Variants in CASP10 observed in about 807,000 individuals in gnomAD.
The protein encoded by CASP10 is caspase-10.
In CASP10, 41 loss-of-function variants were observed where a neutral mutation model predicts 48.5. The ratio of observed to expected loss-of-function variants is 0.85; its 90% CI spans 0.66 to 1.10. CASP10 has a LOEUF of 1.10. Ranked by LOEUF, CASP10 falls within the 50% of genes least tolerant of loss-of-function variation. CASP10 has a pLI of 0.00. For synonymous variants in CASP10, 232 were observed against 238.4 expected, an observed-to-expected ratio of 0.97 and a Z score of 0.25; for missense variants, 614 against 614.5, an observed-to-expected ratio of 1.00 and a Z score of 0.01.
Position 201,186,078 on chromosome 2 carries a change from G to A in CASP10, c.301G>A (p.Glu101Lys). The A allele has an allele frequency of 6.2e-7, 1 of 1,612,412 alleles. No individual in the cohort carries two copies. The highest frequency in any genetic ancestry group is 8.5e-7 in the Non-Finnish European group (1 of 1,180,020). ...LLQHLNCTKE[E>K]VERLLPTRQR... ...GCAGCACCTCAACTGTACCAAAGAG[G>A]AAGTGGAGCGACTGCTGCCCACCCG... The change falls in exon 2 of 10, where the codon GAA becomes AAA. Residue 101 changes from glutamate (E) to lysine (K), a missense_variant. Physicochemically the swap from Glu to Lys is moderately conservative, Grantham distance 56. Coordinates refer to ENST00000286186, the MANE Select transcript of CASP10 (RefSeq NM_032977.4).
rs1559308163 is a variant in CASP10 at position 201,208,237 on chromosome 2, T to C, written c.922+54T>C. 7 of 1,578,634 alleles carry C rather than the reference T, an allele frequency of 4.4e-6. No homozygotes were observed. In the Admixed American group the frequency reaches 9.6e-5, roughly 22 times the overall value. On this transcript the variant is annotated intron_variant, in intron 8 of 9. Coordinates refer to ENST00000286186, the MANE Select transcript of CASP10 (RefSeq NM_032977.4). The stretch of plus-strand genomic sequence containing the variant: ...TGCAAATTGGGGATCTTAAAATTAT[T>C]TTTTATTTTCACATTTTCTTTCTGT...
chr2:201,215,495 G>GT (rs1945542587), intron 9 of CASP10, among the ~76,000 whole-genome samples: 1 of 152,008 alleles, frequency 6.6e-6, no homozygotes, highest in African/African-American at 2.4e-5. Context: ...TCCCAGCACC[G>GT]TTTTTTGAAG....
intron 4 of CASP10, chr2:201,193,393 C>T (rs185972225): frequency 3.3e-5 from 12 of 363,300 alleles, no homozygotes; most frequent in East Asian, 6.9e-5. Context: ...TTTTTAGTAG[C>T]GACAGGGTTT....
At chr2:201,203,309 T>TC (rs1491311539) in intron 5 of CASP10, among the ~76,000 whole-genome samples, 1 of 40,364 alleles carries the variant, frequency 2.5e-5, no homozygotes, top group East Asian at 3.3e-4. Flanking sequence ...ATGAACTTTC[T>TC]TTTTTTTTTT....
At position 201,217,645 on chromosome 2, in the gene CASP10, G is replaced by GGAC; in HGVS notation, c.1474_1476dup (p.Asp492dup). 6.2e-7 allele frequency: 1 copy of GGAC among 1,614,154 alleles called. No homozygotes were observed. The highest frequency in any genetic ancestry group is 8.5e-7 in the Non-Finnish European group (1 of 1,180,018). Reference sequence around the variant, plus strand: ...TCAACGATGATGTGAGTCGAAGAGTGGACAAACAGGGAACAAAGAAACAGA... The same window carrying GGAC: ...TCAACGATGATGTGAGTCGAAGAGTGGACGACAAACAGGGAACAAAGAAACAGA... On this transcript the variant is annotated inframe_insertion, in exon 10 of 10. Coordinates refer to ENST00000286186, the MANE Select transcript of CASP10 (RefSeq NM_032977.4).
At chr2:201,191,773 A>G (rs1398374479) in intron 3 of CASP10, among the ~76,000 whole-genome samples, 2 of 152,186 alleles carry the variant, frequency 1.3e-5, no homozygotes, top group Non-Finnish European at 2.9e-5. Context: ...TAAGCAGTAT[A>G]GCTGGCCTAC....
intron 2 of CASP10, 28 bp from the exon 3 acceptor site, chr2:201,187,678 T>C (rs770326918): frequency 1.3e-6 from 2 of 1,538,400 alleles, no homozygotes; most frequent in Non-Finnish European, 1.8e-6. Flanking sequence ...TGTAAGGCTT[T>C]ATTTGTCATT....
intron 5 of CASP10, 130 bp from the exon 6 acceptor site, chr2:201,203,600 A>G: frequency 2.4e-6 from 2 of 848,294 alleles, no homozygotes; most frequent in South Asian, 1.4e-5. Flanking sequence ...AGCCACCGCA[A>G]CCGGCCCAAT....
chr2:201,208,185 TAAG>T lies in CASP10; in HGVS notation c.922+5_922+7del. 6.2e-7 allele frequency: 1 copy of T among 1,611,368 alleles called. No homozygotes were observed. ...GACAAGGAACCCATAAAGATGCTGG[TAAG>T]AAAGTCTGGAACAGTTTATCAAATG... is the stretch of plus-strand genomic sequence containing the variant. On this transcript the variant is annotated splice_donor_5th_base_variant and intron_variant, in intron 8 of 9. Coordinates refer to ENST00000286186, the MANE Select transcript of CASP10 (RefSeq NM_032977.4).
rs1233269537 is a variant in CASP10, at chr2:201,203,791, A to G, written c.721+25A>G. Reference sequence around the variant, plus strand: ...GGTAGGTATTTCTAATGTACTTTTTACAACTTAGATCGGTATGGTAGGGAT... The same window carrying G: ...GGTAGGTATTTCTAATGTACTTTTTGCAACTTAGATCGGTATGGTAGGGAT... On this transcript the variant is annotated intron_variant, in intron 6 of 9. Coordinates refer to ENST00000286186, the MANE Select transcript of CASP10 (RefSeq NM_032977.4). 3.1e-6 allele frequency: 5 copies of G among 1,594,840 alleles called. No homozygotes were observed. The East Asian group carries it at 1.1e-4, about 36-fold the overall frequency.
At chr2:201,213,236 G>T (rs1945459987) in intron 9 of CASP10, 1 of 152,102 alleles carries the variant, frequency 6.6e-6, no homozygotes, top group Non-Finnish European at 1.5e-5. Context: ...AGAAGTTGCG[G>T]ACTTCTATTA....
At chr2:201,227,515 C>T (rs1668712744) in intron 9 of CASP10, among the ~76,000 whole-genome samples, 1 of 152,146 alleles carries the variant, frequency 6.6e-6, no homozygotes, top group African/African-American at 2.4e-5. Flanking sequence ...TATGACACTT[C>T]TGAAGATCCC....
chr2:201,208,443 G>A (rs1317616589), intron 8 of CASP10: 7 of 838,086 alleles, frequency 8.4e-6, no homozygotes, highest in Non-Finnish European at 1.0e-5. Context: ...ACTTGGGCGT[G>A]AGCTCCAGCT....
chr2:201,192,206 C>A (rs1471950072), intron 3 of CASP10, among the ~76,000 whole-genome samples: 1 of 152,002 alleles, frequency 6.6e-6, no homozygotes, highest in African/African-American at 2.4e-5. Flanking sequence ...ACCAGCCTGG[C>A]CAACATGGTG....
Position 201,220,758 on chromosome 2 carries a change from T to C in CASP10, c.*3017T>C. ...TTCTTACACATGTGTCAGGATGATC[T>C]CCCAAAACCGTGTTCATAACAGTCA... On this transcript the variant is annotated 3_prime_UTR_variant, in exon 10 of 10. Transcript: ENST00000286186. 1.0e-6 allele frequency: 1 copy of C among 985,290 alleles called. No individual in the cohort carries two copies. The highest frequency in any genetic ancestry group is 1.2e-6 in the Non-Finnish European group (1 of 829,916). 61.0% of individuals were successfully genotyped at this position (985,290 alleles called of 1,614,324 possible).
intron 5 of CASP10, among the ~76,000 whole-genome samples, chr2:201,199,183 TAAG>T (rs535876412): frequency 6.6e-6 from 1 of 152,228 alleles, no homozygotes; most frequent in South Asian, 2.1e-4. Context: ...TTCCTAATAA[TAAG>T]GATATTCTTT....
chr2:201,185,616 T>C (rs1173694128), intron 1 of CASP10, among the ~76,000 whole-genome samples, 155 bp from the exon 2 acceptor site: 5 of 152,172 alleles, frequency 3.3e-5, no homozygotes, highest in Non-Finnish European at 2.9e-5. Flanking sequence ...TGTTGCTTTT[T>C]GAAGTAGCCT....
chr2:201,214,220 T>C (rs1257979227), intron 9 of CASP10: 3 of 152,170 alleles, frequency 2.0e-5, no homozygotes, highest in African/African-American at 2.4e-5. Flanking sequence ...ATAAGAGATA[T>C]GTACCTGCAT....
Position 201,209,459 on chromosome 2 carries a change from C to T in CASP10, c.1312C>T (p.Leu438Phe). The change falls in exon 9 of 10, where the codon CTT (leucine) becomes TTT (phenylalanine). Residue 438 changes from leucine to phenylalanine, a missense_variant. By Grantham distance (22) the Leu-to-Phe change is conservative. Coordinates refer to ENST00000286186, the MANE Select transcript of CASP10 (RefSeq NM_032977.4). ...DSIPAEADFL[L>F]GLATVPGYVS... ...TATTCCTGCCGAGGCTGACTTCCTA[C>T]TTGGTCTGGCCACTGTCCCAGGCTA... 1 of 1,614,044 alleles carries T rather than the reference C, an allele frequency of 6.2e-7. No homozygotes were observed. Among genetic ancestry groups the T allele is most frequent in the Non-Finnish European group, 8.5e-7 (1 of 1,179,906 alleles).
Sources: gnomAD v4.1 joint callset for allele counts (sites outside exome capture counted in the v4.1 genomes callset) on GRCh38, gnomAD v4.1.1 for gene constraint, MANE v1.5 for transcripts, NCBI Gene and HGNC (gene_info 2026-07-23, HGNC 2026-07-21) for gene names.